The following CPZ variants were observed in gnomAD, a reference collection of about 807,000 sequenced individuals.
The protein encoded by CPZ is carboxypeptidase Z.
In CPZ, 103 loss-of-function variants were observed where a neutral mutation model predicts 61.8. That is an observed-to-expected ratio of 1.67 (90% CI 1.42 to 1.96). The LOEUF (loss-of-function observed/expected upper bound fraction) is 1.96, where lower values mean the gene tolerates loss of function less well. Ranked by LOEUF, CPZ falls within the 30% of genes most tolerant of loss-of-function variation. CPZ has a pLI of 0.00. For missense variants in CPZ, 1,461 were observed against 914.9 expected, an observed-to-expected ratio of 1.60 and a Z score of -7.70; for synonymous variants, 551 against 373.7, an observed-to-expected ratio of 1.47 and a Z score of -5.47.
chr4:8,592,868 T>C lies in CPZ; in HGVS notation c.35T>C (p.Val12Ala). 3 of 1,533,028 alleles carry C rather than the reference T, an allele frequency of 2.0e-6. No individual in the cohort carries two copies. Among genetic ancestry groups the C allele is most frequent in the East Asian group, 2.5e-5 (1 of 39,952 alleles). 95.0% of individuals were successfully genotyped at this position (1,533,028 alleles called of 1,614,324 possible). A position where few individuals can be genotyped will look rare whatever the true frequency, so the allele number is the denominator to read the frequency against. ...CCGCTGCCGCTGCTGCTCCTTACAG[T>C]CCTGGTCGTCGCCGCTGCCCGGCCG... is the stretch of plus-strand genomic sequence containing the variant. The part of the protein sequence containing the change: ...PPPLPLLLLT[V>A]LVVAAARPGC... Residue 12 changes from valine (V) to alanine (A), a missense_variant, in exon 1 of 11, where the codon GTC becomes GCC. Physicochemically the swap from Val to Ala is moderately conservative, Grantham distance 64 (BLOSUM62 0). Coordinates refer to ENST00000360986, the MANE Select transcript of CPZ (RefSeq NM_001014447.3).
At chr4:8,612,205 G>GGGGGGGGGGGGGGCC in intron 8 of CPZ, 43 bp downstream of exon 8, 2 of 202,854 alleles carry the variant, frequency 9.9e-6, no homozygotes, top group Non-Finnish European at 9.6e-6. Flanking sequence ...GGTGGGGGGT[G>GGGGGGGGGGGGGGCC]CAGGGGCTGG....
Position 8,613,133 on chromosome 4 carries a change from C to CTT in CPZ, c.1363+987_1363+988dup, listed in dbSNP as rs36005113. 4.2e-3 allele frequency among the ~76,000 whole-genome samples: 563 copies of CTT among 134,698 alleles called. 4 individuals carry two copies. Among genetic ancestry groups the CTT allele is most frequent in the African/African-American group, 6.5e-3 (235 of 36,204 alleles). 88.4% of individuals were successfully genotyped at this position (134,698 alleles called of 152,430 possible). On this transcript the variant is annotated intron_variant, in intron 8 of 10. Transcript: ENST00000360986. ...AGCTGGGAGAGGCCCCTCTCTGTTC[C>CTT]TTTTTTTTTTTTTTTTTGAGACGGA...
intron 7 of CPZ, among the ~76,000 whole-genome samples, chr4:8,609,233 G>GAC (rs869045353): frequency 0.012 from 285 of 24,396 alleles, no homozygotes; most frequent in African/African-American, 0.047. Flanking sequence ...CTCACTCATT[G>GAC]TCACTCATTC....
chr4:8,600,303 G>C (rs567103666), intron 2 of CPZ, among the ~76,000 whole-genome samples: 1 of 152,176 alleles, frequency 6.6e-6, no homozygotes, highest in South Asian at 2.1e-4. Context: ...AGGGCAATGT[G>C]AGGCAGAAAG....
At chr4:8,596,061 T>C (rs1288338535) in intron 1 of CPZ, among the ~76,000 whole-genome samples, 1 of 134,090 alleles carries the variant, frequency 7.5e-6, no homozygotes, top group Non-Finnish European at 1.6e-5. Context: ...CTGTTGTTGC[T>C]TTTTTTTTTC....
intron 5 of CPZ, among the ~76,000 whole-genome samples, 184 bp from the exon 6 acceptor site, chr4:8,606,553 C>T (rs1412337870): frequency 2.0e-5 from 3 of 152,144 alleles, no homozygotes; most frequent in Non-Finnish European, 4.4e-5. Context: ...AAGGCTGTGA[C>T]ATCAGCAAGG....
intron 10 of CPZ, 21 bp downstream of exon 10, chr4:8,618,549 C>A: frequency 6.2e-7 from 1 of 1,605,808 alleles, no homozygotes; most frequent in Non-Finnish European, 8.5e-7. Context: ...CCCTGGCTGT[C>A]CCCTGGGGAC....
At chr4:8,610,037 A>T (rs3796729) in intron 7 of CPZ, among the ~76,000 whole-genome samples, 1 of 152,006 alleles carries the variant, frequency 6.6e-6, no homozygotes, top group Non-Finnish European at 1.5e-5. Context: ...AATCCTGCTC[A>T]TGCTGTGTCC....
At chr4:8,609,069 TCACCACTCATACATTCACC>T (rs1715319495) in intron 7 of CPZ, among the ~76,000 whole-genome samples, 1 of 143,948 alleles carries the variant, frequency 6.9e-6, no homozygotes, top group Non-Finnish European at 1.5e-5. Flanking sequence ...ACTCCCTCAC[TCACCACTCATACATTCACC>T]CATTCACTCA....
chr4:8,609,718 C>T (rs1013770009), intron 7 of CPZ, among the ~76,000 whole-genome samples: 1 of 152,220 alleles, frequency 6.6e-6, no homozygotes, highest in Admixed American at 6.5e-5. Context: ...AAGACGTCCC[C>T]AGGGGGGATG....
intron 5 of CPZ, 112 bp from the exon 6 acceptor site, chr4:8,606,624 CG>C (rs1185379170): frequency 5.9e-6 from 8 of 1,358,894 alleles, no homozygotes; most frequent in Non-Finnish European, 8.3e-6. Flanking sequence ...CACATAAAGC[CG>C]GGGGAAACCG....
intron 9 of CPZ, 70 bp downstream of exon 9, chr4:8,614,568 C>G: frequency 6.5e-7 from 1 of 1,540,016 alleles, no homozygotes; most frequent in Non-Finnish European, 8.8e-7. Context: ...TTCAGGCCCC[C>G]AGGGCAGCCC....
chr4:8,600,520 G>A (rs1243167116), intron 2 of CPZ, among the ~76,000 whole-genome samples: 1 of 152,206 alleles, frequency 6.6e-6, no homozygotes, highest in African/African-American at 2.4e-5. Context: ...TAAAGATGGG[G>A]CTTTTGGAGC....
Position 8,619,490 on chromosome 4 carries a change from G to A in CPZ, c.1832G>A (p.Gly611Glu). ...HDPLGGASSLGEATEPDPLRA... is the reference protein window; with the variant it reads ...HDPLGGASSLEEATEPDPLRA... ...CCACTGGGAGGTGCCAGCTCTTTGG[G>A]GGAGGCCACGGAGCCCGACCCGCTC... The change falls in exon 11 of 11, where the codon GGG (glycine) becomes GAG (glutamate). Residue 611 changes from glycine to glutamate, a missense_variant. Transcript: ENST00000360986. 2 of 1,608,066 alleles carry A rather than the reference G, an allele frequency of 1.2e-6. No individual in the cohort carries two copies. Among genetic ancestry groups the A allele is most frequent in the Non-Finnish European group, 1.7e-6 (2 of 1,176,078 alleles).
chr4:8,614,279 T>C (rs1035888319), intron 8 of CPZ, 80 bp from the exon 9 acceptor site: 1 of 1,484,616 alleles, frequency 6.7e-7, no homozygotes, highest in Non-Finnish European at 9.1e-7. Context: ...CGGCTGTCTC[T>C]GTGCGGCTGA....
chr4:8,593,412 C>A (rs538590522), intron 1 of CPZ, among the ~76,000 whole-genome samples: 4 of 152,132 alleles, frequency 2.6e-5, no homozygotes, highest in Non-Finnish European at 5.9e-5. Context: ...TGGGAGGGGG[C>A]GTGGGCCCCC....
At chr4:8,608,460 C>T (rs1204207918) in intron 7 of CPZ, among the ~76,000 whole-genome samples, 1 of 152,204 alleles carries the variant, frequency 6.6e-6, no homozygotes, top group Non-Finnish European at 1.5e-5. Flanking sequence ...CATAGCTGGG[C>T]CCCTGGTTGG....
intron 9 of CPZ, among the ~76,000 whole-genome samples, chr4:8,615,713 G>A (rs1163929922): frequency 6.6e-6 from 1 of 152,212 alleles, no homozygotes; most frequent in African/African-American, 2.4e-5. Flanking sequence ...GGAGACAGAG[G>A]GTCAGAGAGT....
intron 2 of CPZ, among the ~76,000 whole-genome samples, chr4:8,600,769 G>A (rs1321732897): frequency 1.3e-5 from 2 of 152,282 alleles, no homozygotes; most frequent in Non-Finnish European, 2.9e-5. Flanking sequence ...TGCTGCGGCT[G>A]TGGCTCCTGG....
Sources: gnomAD v4.1 joint callset for allele counts (sites outside exome capture counted in the v4.1 genomes callset) on GRCh38, gnomAD v4.1.1 for gene constraint, MANE v1.5 for transcripts, NCBI Gene and HGNC (gene_info 2026-07-23, HGNC 2026-07-21) for gene names.